Variants in CTBS observed in about 807,000 individuals in gnomAD.
The protein encoded by CTBS is di-N-acetylchitobiase.
A neutral mutation model predicts 44.3 loss-of-function variants in CTBS; 35 were observed. The observed-to-expected ratio is 0.79, with a 90% CI of 0.60 to 1.05. CTBS has a LOEUF of 1.05. CTBS is among the 50% of genes least tolerant of loss of function. The pLI is 0.00. For missense variants in CTBS, 458 were observed against 475.3 expected (o/e 0.96, Z 0.34); for synonymous variants, 143 against 168.0 (o/e 0.85, Z 1.15).
chr1:84,563,583 T>C, intron 5 of CTBS, 152 bp downstream of exon 5: 1 of 640,028 alleles, frequency 1.6e-6, no homozygotes, highest in Non-Finnish European at 2.4e-6. Flanking sequence ...AAATGTATGA[T>C]AATCATAAGC....
chr1:84,561,463 T>C (rs1235401891), intron 6 of CTBS, among the ~76,000 whole-genome samples: 1 of 152,212 alleles, frequency 6.6e-6, no homozygotes, highest in Non-Finnish European at 1.5e-5. Flanking sequence ...GCTGTGAACA[T>C]TGTTCAAATA....
chr1:84,571,997 G>A (rs1263618049), intron 1 of CTBS, among the ~76,000 whole-genome samples: 1 of 152,168 alleles, frequency 6.6e-6, no homozygotes, highest in Non-Finnish European at 1.5e-5. Flanking sequence ...GCAAGTATGT[G>A]GAACTGGATA....
rs1313565661 is a variant in CTBS, at chr1:84,551,140, T to C, written c.*3859A>G. On this transcript the variant is annotated 3_prime_UTR_variant, in exon 7 of 7. Transcript: ENST00000370630. ...AGAAATTATCTGTGAAGTACATATG[T>C]ATTAAAAAGCTTTTTTGTTGAACAG... The C allele has an allele frequency of 1.0e-6, 1 of 985,084 alleles. No homozygotes were observed. The highest frequency in any genetic ancestry group is 1.7e-5 in the African/African-American group (1 of 57,212). 61.0% of individuals were successfully genotyped at this position (985,084 alleles called of 1,614,324 possible).
chr1:84,568,909 T>C (rs1647212955), intron 3 of CTBS, among the ~76,000 whole-genome samples: 1 of 152,182 alleles, frequency 6.6e-6, no homozygotes, highest in African/African-American at 2.4e-5. Context: ...GATGTCAGCA[T>C]TATGCTTCCT....
At position 84,552,805 on chromosome 1, in the gene CTBS, C is replaced by T. The variant is rs1392335038; in HGVS notation, c.*2194G>A. On this transcript the variant is annotated 3_prime_UTR_variant, in exon 7 of 7. Coordinates refer to ENST00000370630, the MANE Select transcript of CTBS (RefSeq NM_004388.3). ...TTCAATTGTATTGTCCCTATCTACTCATAAACAAGGTTACCTTATAGCATA... is the reference window on the plus strand; with the variant it reads ...TTCAATTGTATTGTCCCTATCTACTTATAAACAAGGTTACCTTATAGCATA... 3 of 381,920 alleles carry T rather than the reference C, an allele frequency of 7.9e-6. 1 individual carries two copies. Among genetic ancestry groups the T allele is most frequent in the South Asian group, 8.5e-5 (2 of 23,478 alleles). 23.7% of individuals were successfully genotyped at this position (381,920 alleles called of 1,614,324 possible). A position where few individuals can be genotyped will look rare whatever the true frequency, so the allele number is the denominator to read the frequency against.
chr1:84,556,373 G>A (rs1249477702), intron 6 of CTBS, among the ~76,000 whole-genome samples: 1 of 152,144 alleles, frequency 6.6e-6, no homozygotes, highest in East Asian at 1.9e-4. Context: ...ATTAATGCCA[G>A]TAATATTTAC....
intron 6 of CTBS, among the ~76,000 whole-genome samples, chr1:84,561,703 C>G (rs1317338540): frequency 2.6e-4 from 39 of 152,176 alleles, no homozygotes; most frequent in Admixed American, 2.6e-3. Flanking sequence ...CAGCAACCAC[C>G]ACCCTGATCA....
intron 6 of CTBS, among the ~76,000 whole-genome samples, chr1:84,558,845 G>A (rs1448444663): frequency 2.0e-5 from 3 of 151,990 alleles, no homozygotes; most frequent in African/African-American, 7.2e-5. Flanking sequence ...AGGCTGCAGT[G>A]AGCCATGATT....
At chr1:84,561,210 A>G (rs914767667) in intron 6 of CTBS, among the ~76,000 whole-genome samples, 1 of 152,222 alleles carries the variant, frequency 6.6e-6, no homozygotes, top group Non-Finnish European at 1.5e-5. Flanking sequence ...ATCAACATTA[A>G]CAGGAGTTTG....
At chr1:84,558,573 G>A (rs955963909) in intron 6 of CTBS, among the ~76,000 whole-genome samples, 1 of 149,926 alleles carries the variant, frequency 6.7e-6, no homozygotes, top group Non-Finnish European at 1.5e-5. Flanking sequence ...TTACAGGCGT[G>A]AGCCACCGCG....
chr1:84,570,777 C>T lies in CTBS; in HGVS notation c.178-57G>A. On this transcript the variant is annotated intron_variant, in intron 1 of 6. Transcript: ENST00000370630. ...AACCAAGAATATTATGCTGACCGTC[C>T]AAAATACCGTTCATCAAACATCACC... The T allele has an allele frequency of 1.9e-6, 3 of 1,543,340 alleles. No homozygotes were observed. In the Admixed American group the frequency reaches 5.3e-5, roughly 27 times the overall value.
chr1:84,559,368 G>A (rs1266197370), intron 6 of CTBS, among the ~76,000 whole-genome samples: 1 of 152,168 alleles, frequency 6.6e-6, no homozygotes, highest in Non-Finnish European at 1.5e-5. Flanking sequence ...CGCCTGTAAT[G>A]CCAACACTTT....
chr1:84,557,533 CAAAAAAAAAAA>C (rs56101174), intron 6 of CTBS, among the ~76,000 whole-genome samples: 2 of 55,438 alleles, frequency 3.6e-5, no homozygotes, highest in Non-Finnish European at 7.1e-5. Context: ...AACTCCATCT[CAAAAAAAAAAA>C]AAAAAAAAAG....
chr1:84,562,038 A>G (rs1684605601), intron 6 of CTBS, among the ~76,000 whole-genome samples: 1 of 152,210 alleles, frequency 6.6e-6, no homozygotes, highest in Non-Finnish European at 1.5e-5. Context: ...TTAACAAACC[A>G]TATCCATGAA....
rs540815558 is a variant in CTBS at position 84,569,193 on chromosome 1, C to T, written c.525+738G>A. ...CATTGTCTAGCCTATTACTTCTTAA[C>T]TATAATCACCAATGAAACTTTTTTA... On this transcript the variant is annotated intron_variant, in intron 3 of 6. Coordinates refer to ENST00000370630, the MANE Select transcript of CTBS (RefSeq NM_004388.3). 3.3e-5 allele frequency among the ~76,000 whole-genome samples: 5 copies of T among 152,324 alleles called. No homozygotes were observed. The South Asian group carries it at 1.0e-3, about 32-fold the overall frequency.
intron 1 of CTBS, among the ~76,000 whole-genome samples, chr1:84,572,765 G>A (rs958490977): frequency 2.0e-5 from 3 of 151,188 alleles, no homozygotes; most frequent in Non-Finnish European, 4.4e-5. Flanking sequence ...CTCCCGCTCC[G>A]CCTCCCAGGT....
intron 3 of CTBS, 65 bp downstream of exon 3, chr1:84,569,866 A>G (rs1647244990): frequency 3.1e-6 from 4 of 1,288,026 alleles, no homozygotes; most frequent in South Asian, 1.3e-5. Context: ...TATATTAGTT[A>G]TACCCTCATG....
Position 84,550,824 on chromosome 1 carries a change from A to G in CTBS, c.*4175T>C, listed in dbSNP as rs1005134129. 9 of 1,007,224 alleles carry G rather than the reference A, an allele frequency of 8.9e-6. No individual in the cohort carries two copies. In the South Asian group the frequency reaches 3.7e-4, roughly 41 times the overall value. 62.4% of individuals were successfully genotyped at this position (1,007,224 alleles called of 1,614,324 possible). ...TATATTCTCAAAAAAAATTTTAAGT[A>G]GTTTTCCTGTATTAGAATTATTAAG... On this transcript the variant is annotated 3_prime_UTR_variant, in exon 7 of 7. Coordinates refer to ENST00000370630, the MANE Select transcript of CTBS (RefSeq NM_004388.3).
At chr1:84,559,359 G>A (rs988013220) in intron 6 of CTBS, among the ~76,000 whole-genome samples, 4 of 152,140 alleles carry the variant, frequency 2.6e-5, no homozygotes, top group Non-Finnish European at 5.9e-5. Context: ...GGTAGCTCAC[G>A]CCTGTAATGC....
Sources: allele counts gnomAD v4.1 joint callset (sites outside exome capture counted in the v4.1 genomes callset), GRCh38; gene constraint gnomAD v4.1.1; transcripts MANE v1.5; gene names NCBI Gene and HGNC (gene_info 2026-07-23, HGNC 2026-07-21).